TESK2: variants seen among roughly 807,000 people sequenced by gnomAD.
The protein encoded by TESK2 is testis associated actin remodelling kinase 2.
In TESK2, 39 loss-of-function variants were observed where a neutral mutation model predicts 57.1. The ratio of observed to expected loss-of-function variants is 0.68; its 90% CI spans 0.53 to 0.89. The LOEUF is 0.89. TESK2 is among the 40% of genes least tolerant of loss of function. TESK2 has a pLI of 0.00. For synonymous variants in TESK2, 249 were observed against 267.9 expected (o/e 0.93, Z 0.69); for missense variants, 646 against 732.1 (o/e 0.88, Z 1.36).
At chr1:45,445,442 AT>A (rs1651607741) in intron 2 of TESK2, among the ~76,000 whole-genome samples, 1 of 152,052 alleles carries the variant, frequency 6.6e-6, no homozygotes, top group African/African-American at 2.4e-5. Context: ...TTACAAAAAC[AT>A]CTACCCTTGA....
chr1:45,346,063 A>C lies in TESK2; in HGVS notation c.880-69T>G. 4 of 1,198,128 alleles carry C rather than the reference A, an allele frequency of 3.3e-6. No individual in the cohort carries two copies. In the East Asian group the frequency reaches 9.3e-5, roughly 28 times the overall value. 74.2% of individuals were successfully genotyped at this position (1,198,128 alleles called of 1,614,324 possible). On this transcript the variant is annotated intron_variant, in intron 9 of 10. Transcript: ENST00000372086. ...CACCCCAAAGATGGCATTTGAGTCT[A>C]TTTCTGGCATCTTTGAAGATTCAGA...
intron 3 of TESK2, among the ~76,000 whole-genome samples, chr1:45,399,846 T>C (rs1448551470): frequency 1.3e-5 from 2 of 152,122 alleles, no homozygotes; most frequent in African/African-American, 4.8e-5. Context: ...CATTATCCGT[T>C]GGAGTATGGG....
At chr1:45,363,014 G>A (rs1647755510) in intron 4 of TESK2, among the ~76,000 whole-genome samples, 1 of 152,100 alleles carries the variant, frequency 6.6e-6, no homozygotes, top group Admixed American at 6.5e-5. Context: ...GATAACCAAG[G>A]CCTGAATAAG....
At chr1:45,368,196 T>C (rs544264458) in intron 4 of TESK2, among the ~76,000 whole-genome samples, 3 of 150,924 alleles carry the variant, frequency 2.0e-5, no homozygotes, top group South Asian at 2.1e-4. Context: ...GGTTTCACCA[T>C]GTTGGCCAGG....
chr1:45,465,530 AAAAG>A (rs202180046), intron 1 of TESK2, among the ~76,000 whole-genome samples: 1,866 of 152,118 alleles, frequency 0.012, 31 homozygotes, highest in African/African-American at 0.039. Flanking sequence ...GAAAAAGAGA[AAAAG>A]AAAGAAAGAA....
At chr1:45,418,955 T>C (rs1411852734) in intron 3 of TESK2, among the ~76,000 whole-genome samples, 1 of 150,326 alleles carries the variant, frequency 6.7e-6, no homozygotes, top group Middle Eastern at 3.5e-3. Context: ...CCGGTTCAAG[T>C]CCCCTCCTAG....
intron 1 of TESK2, among the ~76,000 whole-genome samples, chr1:45,466,787 T>A (rs1156648600): frequency 1.3e-5 from 2 of 151,490 alleles, no homozygotes; most frequent in African/African-American, 4.8e-5. Context: ...TTATATGAAC[T>A]TAGATATGTT....
At chr1:45,410,281 AT>A (rs989666913) in intron 3 of TESK2, among the ~76,000 whole-genome samples, 20 of 151,300 alleles carry the variant, frequency 1.3e-4, no homozygotes, top group Admixed American at 4.6e-4. Context: ...CCACTTTATT[AT>A]TTTTTTTTCA....
At chr1:45,370,035 G>C (rs150176928) in intron 4 of TESK2, among the ~76,000 whole-genome samples, 2 of 152,256 alleles carry the variant, frequency 1.3e-5, no homozygotes, top group East Asian at 3.9e-4. Flanking sequence ...CTATAGGACA[G>C]AGGGAAAGAG....
chr1:45,426,013 G>A (rs945094042), intron 2 of TESK2, among the ~76,000 whole-genome samples: 15 of 151,892 alleles, frequency 9.9e-5, no homozygotes, highest in Middle Eastern at 3.4e-3. Context: ...CTAGCTGAGC[G>A]TGATGGCATG....
chr1:45,385,710 G>GTGTGTATATATA (rs947905047), intron 4 of TESK2, among the ~76,000 whole-genome samples: 1 of 135,284 alleles, frequency 7.4e-6, no homozygotes, highest in African/African-American at 3.0e-5. Flanking sequence ...GTGTGTGTGT[G>GTGTGTATATATA]TATATATATA....
chr1:45,346,570 C>T (rs996290322), intron 9 of TESK2, 123 bp downstream of exon 9: 9 of 743,996 alleles, frequency 1.2e-5, no homozygotes, highest in Non-Finnish European at 2.1e-5. Flanking sequence ...GGTGTGGTTG[C>T]TGTCACTACA....
intron 2 of TESK2, among the ~76,000 whole-genome samples, chr1:45,423,201 A>G (rs1650549833): frequency 6.6e-6 from 1 of 152,132 alleles, no homozygotes; most frequent in Non-Finnish European, 1.5e-5. Context: ...CTTATGTAAC[A>G]CTTAATGAAA....
At chr1:45,388,231 A>G (rs922231202) in intron 3 of TESK2, among the ~76,000 whole-genome samples, 2 of 152,182 alleles carry the variant, frequency 1.3e-5, no homozygotes, top group African/African-American at 4.8e-5. Context: ...CAATTATAAT[A>G]AAAAGATAAA....
rs767980241 is a variant in TESK2, at chr1:45,472,889, G to A, written c.-86-15018C>T. ...GCGGTGGCTTACGCCTGTAATCCCA[G>A]CACTTTGGGAAGCCAAGGCAGGCGG... On this transcript the variant is annotated intron_variant, in intron 1 of 10. Transcript: ENST00000372086. Among the ~76,000 whole-genome samples, 17 of 150,642 alleles carry A rather than the reference G, an allele frequency of 1.1e-4. No individual in the cohort carries two copies. The East Asian group carries it at 1.4e-3, about 12-fold the overall frequency.
intron 4 of TESK2, among the ~76,000 whole-genome samples, chr1:45,374,217 A>G (rs1267909322): frequency 6.6e-6 from 1 of 152,252 alleles, no homozygotes; most frequent in African/African-American, 2.4e-5. Flanking sequence ...TAAAAGCTCA[A>G]GTGTTGGGAG....
rs1570714206 is a variant in TESK2, at chr1:45,422,759, T to TTGTTGTTGTTG, written c.223-914_223-913insCAACAACAACA. Among the ~76,000 whole-genome samples, 77 of 147,008 alleles carry TTGTTGTTGTTG rather than the reference T, an allele frequency of 5.2e-4. No individual in the cohort carries two copies. The East Asian group carries it at 0.013, about 26-fold the overall frequency. ...ATGCCCAGCCAATCATGTCTGGTTT[T>TTGTTGTTGTTG]TTGTTGTTGTTGTTGTTGTTTTTGT... On this transcript the variant is annotated intron_variant, in intron 2 of 10. Transcript: ENST00000372086.
At chr1:45,420,732 G>A (rs962563689) in intron 3 of TESK2, among the ~76,000 whole-genome samples, 2 of 151,466 alleles carry the variant, frequency 1.3e-5, no homozygotes, top group Non-Finnish European at 2.9e-5. Context: ...CTATAGGCAC[G>A]TGCCACCACG....
At chr1:45,354,482 G>A (rs971800329) in intron 5 of TESK2, among the ~76,000 whole-genome samples, 7 of 152,074 alleles carry the variant, frequency 4.6e-5, no homozygotes, top group East Asian at 3.9e-4. Context: ...AAAAATTAGC[G>A]AGGGGTGATG....
Sources: allele counts gnomAD v4.1 joint callset (sites outside exome capture counted in the v4.1 genomes callset), GRCh38; gene constraint gnomAD v4.1.1; transcripts MANE v1.5; gene names NCBI Gene and HGNC (gene_info 2026-07-23, HGNC 2026-07-21).